Variants in COL5A3 observed in about 807,000 individuals in gnomAD.
The protein encoded by COL5A3 is collagen alpha-3(V) chain.
Under a neutral mutation model 250.0 loss-of-function variants are expected in COL5A3, and 172 were observed. The observed-to-expected ratio is 0.69, with a 90% CI of 0.61 to 0.78. The LOEUF (loss-of-function observed/expected upper bound fraction) is 0.78, where lower values mean the gene tolerates loss of function less well. COL5A3 is among the 30% of genes least tolerant of loss of function. The pLI, the probability that COL5A3 is intolerant of heterozygous loss-of-function variation, is 0.00. For synonymous variants in COL5A3, 937 were observed against 900.4 expected, an observed-to-expected ratio of 1.04 and a Z score of -0.73; for missense variants, 2,340 against 2,334.4, an observed-to-expected ratio of 1.00 and a Z score of -0.05.
intron 41 of COL5A3, among the ~76,000 whole-genome samples, chr19:9,977,947 C>CACATATATAT (rs1325124285): frequency 9.4e-6 from 1 of 106,140 alleles, no homozygotes; most frequent in Non-Finnish European, 2.0e-5. Flanking sequence ...GCAGCCTATA[C>CACATATATAT]ATATATATAT....
intron 8 of COL5A3, among the ~76,000 whole-genome samples, chr19:9,999,406 C>T (rs1005942624): frequency 6.6e-6 from 1 of 151,158 alleles, no homozygotes; most frequent in East Asian, 1.9e-4. Context: ...CTATGTTGCC[C>T]AGGCTGAACT....
Position 9,959,958 on chromosome 19 carries a change from G to C in COL5A3, c.*453C>G, listed in dbSNP as rs1043396896. ...GTGGAAGTAGAAAGGATCAAAGGGG[G>C]TGGGGGTAGGGGTCCCAGCCTGGGA... On this transcript the variant is annotated 3_prime_UTR_variant, in exon 67 of 67. Transcript: ENST00000264828. 5.8e-6 allele frequency: 1 copy of C among 172,332 alleles called. No homozygotes were observed. Among genetic ancestry groups the C allele is most frequent in the Admixed American group, 5.5e-5 (1 of 18,146 alleles). The allele number at this position is 172,332 out of a possible 1,614,324, so 10.7% of individuals were successfully genotyped here. A position where few individuals can be genotyped will look rare whatever the true frequency, so the allele number is the denominator to read the frequency against.
chr19:9,973,339 T>C (rs1599537843), intron 50 of COL5A3, among the ~76,000 whole-genome samples: 1 of 152,292 alleles, frequency 6.6e-6, no homozygotes, highest in East Asian at 1.9e-4. Flanking sequence ...ATTTGAGCCC[T>C]CACCTATCCC....
chr19:9,966,704 AGCGCCGGCGCCT>A lies in COL5A3; in HGVS notation c.4489_4500del (p.Arg1497_Arg1500del). The A allele has an allele frequency of 1.3e-6, 2 of 1,537,810 alleles. No individual in the cohort carries two copies. The highest frequency in any genetic ancestry group is 1.7e-6 in the Non-Finnish European group (2 of 1,147,476). On this transcript the variant is annotated inframe_deletion, in exon 63 of 67. Coordinates refer to ENST00000264828, the MANE Select transcript of COL5A3 (RefSeq NM_015719.4). ...ACGACTGGAAGCGGGACTGGGACGA[AGCGCCGGCGCCT>A]GCGCAGCCCATGCAGCTCGGCAGGG... is the stretch of plus-strand genomic sequence containing the variant.
intron 63 of COL5A3, 49 bp downstream of exon 63, chr19:9,966,487 C>T: frequency 1.3e-6 from 2 of 1,556,374 alleles, no homozygotes; most frequent in South Asian, 1.2e-5. Flanking sequence ...CCCAACCCCC[C>T]CCACACCCCC....
intron 64 of COL5A3, among the ~76,000 whole-genome samples, chr19:9,965,259 A>C (rs182783651): frequency 4.1e-5 from 6 of 145,696 alleles, no homozygotes; most frequent in Non-Finnish European, 7.5e-5. Context: ...GGTTCACGCC[A>C]TCCTCCTGCC....
At position 9,986,564 on chromosome 19, in the gene COL5A3, T is replaced by C. The variant is rs1385221828; in HGVS notation, c.2233A>G (p.Lys745Glu). The C allele has an allele frequency of 6.2e-7, 1 of 1,613,898 alleles. No individual in the cohort carries two copies. The highest frequency in any genetic ancestry group is 8.5e-7 in the Non-Finnish European group (1 of 1,179,992). ...GGAGCTGGTCTTACCTGATCACCTT[T>C]GAGCCCCACATCGCCCTTGAAGCCT... Reference protein sequence around the residue: ...FPGFKGDVGLKGDQGKPGAPG... With the variant: ...FPGFKGDVGLEGDQGKPGAPG... The change falls in exon 29 of 67, where the codon AAA becomes GAA. Residue 745 changes from lysine (K) to glutamate (E), a missense_variant. This residue lies in a region of COL5A3 where 1,152 missense variants were observed against 1,146.3 expected (regional missense o/e 1.00). Transcript: ENST00000264828.
At chr19:10,000,957 A>G (rs539775149) in intron 8 of COL5A3, among the ~76,000 whole-genome samples, 18 of 152,202 alleles carry the variant, frequency 1.2e-4, no homozygotes, top group African/African-American at 3.6e-4. Flanking sequence ...GGGTGGGAGG[A>G]GGGAGAGGAT....
At position 9,997,440 on chromosome 19, in the gene COL5A3, G is replaced by A. The variant is rs761426859; in HGVS notation, c.1201-7C>T. ...CTGAGGGGCCAACCACCCCCTGTTG[G>A]GGACAGAGAAACAGGAGTCACAGGA... On this transcript the variant is annotated splice_polypyrimidine_tract_variant and splice_region_variant and intron_variant, in intron 10 of 66. Coordinates refer to ENST00000264828, the MANE Select transcript of COL5A3 (RefSeq NM_015719.4). The A allele has an allele frequency of 6.3e-7, 1 of 1,595,944 alleles. No homozygotes were observed.
chr19:9,973,642 G>A lies in COL5A3; in HGVS notation c.3613-19C>T, dbSNP rs779663852. On this transcript the variant is annotated intron_variant, in intron 49 of 66. Coordinates refer to ENST00000264828, the MANE Select transcript of COL5A3 (RefSeq NM_015719.4). Reference sequence around the variant, plus strand: ...GCTCACCCTGCAGGAGGCAAAGTGAGAGTGGGGAGAGGTCCCATCCTAGCA... The same window carrying A: ...GCTCACCCTGCAGGAGGCAAAGTGAAAGTGGGGAGAGGTCCCATCCTAGCA... 5 of 1,612,152 alleles carry A rather than the reference G, an allele frequency of 3.1e-6. No individual in the cohort carries two copies. The highest frequency in any genetic ancestry group is 1.1e-5 in the South Asian group (1 of 90,796).
chr19:9,970,421 T>TGTGGG (rs1401666979), intron 54 of COL5A3, among the ~76,000 whole-genome samples: 1 of 70,854 alleles, frequency 1.4e-5, no homozygotes, highest in Non-Finnish European at 2.6e-5. Flanking sequence ...GAGTGGGGGC[T>TGTGGG]GTAAGGTGAG....
chr19:9,969,920 A>C lies in COL5A3; in HGVS notation c.3939T>G (p.Gly1313=), dbSNP rs1225024451. 1 of 1,594,478 alleles carries C rather than the reference A, an allele frequency of 6.3e-7. No individual in the cohort carries two copies. The highest frequency in any genetic ancestry group is 1.1e-5 in the South Asian group (1 of 90,198). Residue 1313 remains glycine (G), a splice_region_variant and synonymous_variant, in exon 55 of 67, where the codon GGT becomes GGG. Transcript: ENST00000264828. ...CTTCTCGACCCATGTGGCCTGAAGGACCCTTGGAAGGGAAAGACAGTGAGG... is the reference window on the plus strand; with the variant it reads ...CTTCTCGACCCATGTGGCCTGAAGGCCCCTTGGAAGGGAAAGACAGTGAGG... ...PGAPGPPGKR[G]PSGHMGREGR...
intron 64 of COL5A3, among the ~76,000 whole-genome samples, chr19:9,963,952 C>T (rs1246769010): frequency 2.0e-5 from 3 of 151,936 alleles, no homozygotes; most frequent in African/African-American, 4.8e-5. Context: ...GTGGATCACT[C>T]GAGGCCATGA....
Position 9,993,656 on chromosome 19 carries a change from T to C in COL5A3, c.1658A>G (p.Asp553Gly), listed in dbSNP as rs141473941. The change falls in exon 18 of 67, where the codon GAT becomes GGT. Residue 553 changes from aspartate (D) to glycine (G), a missense_variant. By Grantham distance (94) the Asp-to-Gly change is moderately conservative (BLOSUM62 -1). This residue lies in a region of COL5A3 where 1,152 missense variants were observed against 1,146.3 expected (regional missense o/e 1.00). Coordinates refer to ENST00000264828, the MANE Select transcript of COL5A3 (RefSeq NM_015719.4). ...DTGPKGDRGF[D>G]GLPGLPGEKG... is the part of the protein sequence containing the mutation. ...CTCACCAGGCAGCCCAGGGAGGCCATCGAAGCCACGATCACCCTGTCCAGA... is the reference window on the plus strand; with the variant it reads ...CTCACCAGGCAGCCCAGGGAGGCCACCGAAGCCACGATCACCCTGTCCAGA... The C allele has an allele frequency of 1.6e-4, 257 of 1,614,052 alleles. No homozygotes were observed. In the African/African-American group the frequency reaches 2.9e-3, roughly 18 times the overall value.
intron 56 of COL5A3, 67 bp from the exon 57 acceptor site, chr19:9,969,469 C>A: frequency 6.3e-7 from 1 of 1,587,754 alleles, no homozygotes; most frequent in Non-Finnish European, 8.6e-7. Flanking sequence ...CCCCCCCCGA[C>A]CATGCACCAG....
intron 4 of COL5A3, 91 bp from the exon 5 acceptor site, chr19:10,004,236 C>G: frequency 1.1e-6 from 1 of 880,498 alleles, no homozygotes; most frequent in Non-Finnish European, 1.9e-6. Flanking sequence ...CTGCCCACCT[C>G]CTGGCACCAG....
At chr19:9,985,767 A>G in intron 31 of COL5A3, 75 bp downstream of exon 31, 1 of 1,401,460 alleles carries the variant, frequency 7.1e-7, no homozygotes, top group Non-Finnish European at 1.0e-6. Flanking sequence ...CCCCAAGACC[A>G]CAGCCTGGAC....
At chr19:9,966,821 A>C in intron 62 of COL5A3, 75 bp from the exon 63 acceptor site, 1 of 1,142,110 alleles carries the variant, frequency 8.8e-7, no homozygotes, top group East Asian at 2.6e-5. Flanking sequence ...AGAGACAGGC[A>C]GAGATGAAGA....
rs573325584 is a variant in COL5A3 at position 9,967,647 on chromosome 19, T to G, written c.4405-247A>C. ...TTTTAATGTCTCTGAAATCAGCTTC[T>G]TAACATCTTTGGCAAGTCATAGTTT... On this transcript the variant is annotated intron_variant, in intron 61 of 66. Coordinates refer to ENST00000264828, the MANE Select transcript of COL5A3 (RefSeq NM_015719.4). The G allele has an allele frequency of 5.4e-6, 3 of 559,032 alleles. No homozygotes were observed. In the South Asian group the frequency reaches 8.4e-5, roughly 16 times the overall value. 34.6% of individuals were successfully genotyped at this position (559,032 alleles called of 1,614,324 possible).
Sources: gnomAD v4.1 joint callset for allele counts (sites outside exome capture counted in the v4.1 genomes callset) on GRCh38, gnomAD v4.1.1 for gene constraint, gnomAD v4.1.1 regional missense constraint, MANE v1.5 for transcripts, NCBI Gene and HGNC (gene_info 2026-07-23, HGNC 2026-07-21) for gene names.